Variants in FAM120B observed in about 807,000 individuals in gnomAD.
The protein encoded by FAM120B is family with sequence similarity 120 member B.
In FAM120B, 83 loss-of-function variants were observed where a neutral mutation model predicts 96.3. The observed-to-expected ratio is 0.86, with a 90% CI of 0.72 to 1.03. The LOEUF (loss-of-function observed/expected upper bound fraction) is 1.03, where lower values mean the gene tolerates loss of function less well. Ranked by LOEUF, FAM120B falls within the 50% of genes least tolerant of loss-of-function variation. FAM120B has a pLI of 0.00. For missense variants in FAM120B, 1,027 were observed against 1,121.2 expected, an observed-to-expected ratio of 0.92 and a Z score of 1.20; for synonymous variants, 407 against 402.7, an observed-to-expected ratio of 1.01 and a Z score of -0.13.
chr6:170,366,371 GTC>G (rs1355304925), intron 6 of FAM120B, among the ~76,000 whole-genome samples: 1 of 152,194 alleles, frequency 6.6e-6, no homozygotes, highest in East Asian at 1.9e-4. Context: ...AAGAGTAGGA[GTC>G]TCTCCATTGC....
At chr6:170,398,524 CT>C (rs1269426093) in intron 9 of FAM120B, among the ~76,000 whole-genome samples, 2 of 148,464 alleles carry the variant, frequency 1.3e-5, no homozygotes, top group East Asian at 4.3e-4. Context: ...GAAGGTAGAA[CT>C]ATGTCATAAC....
At chr6:170,305,226 TG>T (rs1400826850), upstream of FAM120B, among the ~76,000 whole-genome samples, 3 of 152,230 alleles carry the variant, frequency 2.0e-5, no homozygotes, top group Non-Finnish European at 2.9e-5. Context: ...TTTCACTTGT[TG>T]CCTAGTATTT....
At chr6:170,372,560 C>A (rs1789262118) in intron 6 of FAM120B, among the ~76,000 whole-genome samples, 1 of 152,136 alleles carries the variant, frequency 6.6e-6, no homozygotes. Context: ...CATGCTGTTT[C>A]CTTAGGTAAA....
intron 4 of FAM120B, among the ~76,000 whole-genome samples, chr6:170,340,587 T>A (rs1436745830): frequency 6.6e-6 from 1 of 152,226 alleles, no homozygotes; most frequent in Non-Finnish European, 1.5e-5. Context: ...TTTTTGTAAT[T>A]TTCAGCATTT....
In FAM120B at chr6:170,388,370, A is replaced by C; in HGVS notation, c.2367A>C (p.Ala789=). The C allele has an allele frequency of 6.2e-7, 1 of 1,614,124 alleles. No individual in the cohort carries two copies. ...CCACTCTGGTTTTAGTCAACAGCGC[A>C]TGTGGCTTCCCCTGGAAGACGAGTG... ...GLTTLVLVNS[A]CGFPWKTSDF... is the part of the protein sequence containing the mutation. The change falls in exon 7 of 11, where the codon GCA becomes GCC. Residue 789 remains alanine, a synonymous_variant. Transcript: ENST00000476287.
At chr6:170,377,876 G>A (rs1043449942) in intron 6 of FAM120B, among the ~76,000 whole-genome samples, 2 of 105,886 alleles carry the variant, frequency 1.9e-5, no homozygotes, top group Admixed American at 8.8e-5. Context: ...ACCGGCTCAC[G>A]CTGCTCGGTG....
At chr6:170,369,696 T>G (rs1001329392) in intron 6 of FAM120B, among the ~76,000 whole-genome samples, 3 of 151,632 alleles carry the variant, frequency 2.0e-5, no homozygotes, top group African/African-American at 7.2e-5. Context: ...GTAGTTTTTT[T>G]TTTTTTTTTT....
chr6:170,331,794 A>G (rs1395103213), intron 4 of FAM120B, among the ~76,000 whole-genome samples: 2 of 152,234 alleles, frequency 1.3e-5, no homozygotes, highest in African/African-American at 4.8e-5. Context: ...TAGAGAGACT[A>G]CTTCAGAGCT....
chr6:170,341,774 C>T (rs530613822), intron 4 of FAM120B, among the ~76,000 whole-genome samples: 4 of 152,294 alleles, frequency 2.6e-5, no homozygotes, highest in African/African-American at 9.6e-5. Context: ...GAGGCAACAC[C>T]CCACCCTGCT....
At position 170,317,492 on chromosome 6, in the gene FAM120B, T is replaced by A. The variant is rs1380049565; in HGVS notation, c.102T>A (p.Tyr34Ter). Residue 34 changes from tyrosine to a stop codon, truncating the protein, a stop_gained, in exon 2 of 11, where the codon TAT becomes TAA. Coordinates refer to ENST00000476287, the MANE Select transcript of FAM120B (RefSeq NM_032448.3). LOFTEE classifies it high-confidence loss of function. ...KELAEHHRSK[Y>*]PGCTPTIVVD... is the part of the protein sequence containing the mutation. ...TGGCAGAGCACCACCGAAGCAAGTA[T>A]CCTGGATGTACCCCTACCATTGTGG... 1.2e-6 allele frequency: 2 copies of A among 1,614,102 alleles called. No homozygotes were observed. The highest frequency in any genetic ancestry group is 3.3e-5 in the Admixed American group (2 of 60,010).
chr6:170,349,046 T>G (rs192037354), intron 5 of FAM120B, among the ~76,000 whole-genome samples: 1 of 152,348 alleles, frequency 6.6e-6, no homozygotes, highest in Admixed American at 6.5e-5. Context: ...ATTCACCTTT[T>G]TAATAGTTTT....
At chr6:170,291,145 C>T, upstream of FAM120B, 2 of 528,468 alleles carry the variant, frequency 3.8e-6, no homozygotes. Flanking sequence ...CCTCCCCTGC[C>T]CCCGCCCCCA....
In FAM120B at chr6:170,328,609, C is replaced by G. The variant is rs192923084; in HGVS notation, c.1916-1840C>G. On this transcript the variant is annotated intron_variant, in intron 3 of 10. Coordinates refer to ENST00000476287, the MANE Select transcript of FAM120B (RefSeq NM_032448.3). ...TTTGCTGGATTTTGAGTAAGGTTCA[C>G]TCCTGCCCCCTTCATGGGATTCTTG... Among the ~76,000 whole-genome samples the G allele has an allele frequency of 3.2e-4, 49 of 151,630 alleles. No individual in the cohort carries two copies. In the East Asian group the frequency reaches 8.5e-3, roughly 26 times the overall value.
rs952309096 is a variant in FAM120B at position 170,363,112 on chromosome 6, C to G, written c.2283+4794C>G. On this transcript the variant is annotated intron_variant, in intron 6 of 10. Coordinates refer to ENST00000476287, the MANE Select transcript of FAM120B (RefSeq NM_032448.3). This position sits in a 1 kb window ranked among gnomAD's most constrained non-coding sequence, Gnocchi z 4.5. ...TCTGAAAGCCACAAAACCATCACCCCTCCTCCTGCTGGCTTTGTCTCCAGC... is the reference window on the plus strand; with the variant it reads ...TCTGAAAGCCACAAAACCATCACCCGTCCTCCTGCTGGCTTTGTCTCCAGC... Among the ~76,000 whole-genome samples, 2 of 152,152 alleles carry G rather than the reference C, an allele frequency of 1.3e-5. No homozygotes were observed. The highest frequency in any genetic ancestry group is 4.8e-5 in the African/African-American group (2 of 41,438).
intron 6 of FAM120B, among the ~76,000 whole-genome samples, chr6:170,372,728 G>A (rs1562578638): frequency 6.6e-6 from 1 of 152,172 alleles, no homozygotes. Flanking sequence ...GCTAAAGGAG[G>A]CTGAGGAGTA....
chr6:170,363,183 G>A lies in FAM120B; in HGVS notation c.2283+4865G>A, dbSNP rs371556826. Among the ~76,000 whole-genome samples, 7 of 152,216 alleles carry A rather than the reference G, an allele frequency of 4.6e-5. No individual in the cohort carries two copies. In the South Asian group the frequency reaches 8.3e-4, roughly 18 times the overall value. ...CTGACTGTTAGGGAATTCTGGCTCC[G>A]TCTCTTACACACTGAGAACTCCATG... On this transcript the variant is annotated intron_variant, in intron 6 of 10. Coordinates refer to ENST00000476287, the MANE Select transcript of FAM120B (RefSeq NM_032448.3). This position sits in a 1 kb window ranked among gnomAD's most constrained non-coding sequence, Gnocchi z 4.5.
At chr6:170,354,705 C>T (rs989079190) in intron 5 of FAM120B, among the ~76,000 whole-genome samples, 6 of 151,468 alleles carry the variant, frequency 4.0e-5, no homozygotes, top group Non-Finnish European at 7.4e-5. Context: ...AGGCAGATCA[C>T]GATGTCAGGA....
chr6:170,377,731 C>T (rs34235056), intron 6 of FAM120B, among the ~76,000 whole-genome samples: 39 of 139,818 alleles, frequency 2.8e-4, no homozygotes, highest in South Asian at 1.2e-3. Context: ...TAATCCCAGA[C>T]GCCTGGGAGA....
intron 1 of FAM120B, among the ~76,000 whole-genome samples, chr6:170,300,643 A>C (rs1298937287): frequency 6.6e-6 from 1 of 152,228 alleles, no homozygotes; most frequent in East Asian, 1.9e-4. Flanking sequence ...ATCACAAGCA[A>C]GTTAGTTACT....
Sources: gnomAD v4.1 joint callset for allele counts (sites outside exome capture counted in the v4.1 genomes callset) on GRCh38, gnomAD v4.1.1 for gene constraint, Gnocchi (gnomAD v3.1) non-coding constraint, MANE v1.5 for transcripts, NCBI Gene and HGNC (gene_info 2026-07-23, HGNC 2026-07-21) for gene names.